Variants in FGGY observed in about 807,000 individuals in gnomAD.
FGGY encodes the protein FGGY carbohydrate kinase domain-containing protein.
FGGY carries 72 observed loss-of-function variants against 71.3 expected under a neutral mutation model. The observed-to-expected ratio is 1.01, with a 90% CI of 0.84 to 1.23. The LOEUF is 1.23. FGGY is among the 50% of genes most tolerant of loss of function. The pLI, the probability that FGGY is intolerant of heterozygous loss-of-function variation, is 0.00. For synonymous variants in FGGY, 251 were observed against 250.3 expected (o/e 1.00, Z -0.02); for missense variants, 668 against 682.3 (o/e 0.98, Z 0.23).
At chr1:59,459,969 A>G (rs2092035487) in intron 6 of FGGY, among the ~76,000 whole-genome samples, 1 of 152,204 alleles carries the variant, frequency 6.6e-6, no homozygotes, top group Non-Finnish European at 1.5e-5. Flanking sequence ...GGGACCAGGG[A>G]AGCCAGGCAA....
intron 8 of FGGY, among the ~76,000 whole-genome samples, chr1:59,570,842 C>A (rs2095973118): frequency 2.0e-5 from 3 of 152,150 alleles, no homozygotes; most frequent in Non-Finnish European, 2.9e-5. Context: ...TAAAAGCATT[C>A]AAAAATGTTT....
At chr1:59,551,683 C>T (rs891951453) in intron 7 of FGGY, among the ~76,000 whole-genome samples, 12 of 152,278 alleles carry the variant, frequency 7.9e-5, no homozygotes, top group African/African-American at 2.9e-4. Flanking sequence ...ATGTGAATCA[C>T]AGCCCAGTTC....
intron 6 of FGGY, among the ~76,000 whole-genome samples, chr1:59,459,833 G>A (rs1005610669): frequency 6.6e-6 from 1 of 152,178 alleles, no homozygotes; most frequent in African/African-American, 2.4e-5. Flanking sequence ...TACTATTGGG[G>A]TAGCCCACTT....
intron 14 of FGGY, among the ~76,000 whole-genome samples, chr1:59,711,510 T>C (rs538631833): frequency 2.9e-4 from 44 of 152,366 alleles, no homozygotes; most frequent in African/African-American, 9.9e-4. Context: ...CTTGGGCTCT[T>C]TCTGGATAGA....
At chr1:59,731,374 C>T (rs2098026477) in intron 14 of FGGY, among the ~76,000 whole-genome samples, 3 of 152,072 alleles carry the variant, frequency 2.0e-5, no homozygotes. Flanking sequence ...TGGAAAGTGT[C>T]CAGATGTGCG....
chr1:59,460,451 G>C (rs1361888027), intron 6 of FGGY, among the ~76,000 whole-genome samples: 1 of 152,212 alleles, frequency 6.6e-6, no homozygotes, highest in African/African-American at 2.4e-5. Context: ...CCCTGCCTCT[G>C]TAGACCCCAC....
chr1:59,564,499 T>C (rs540785766), intron 8 of FGGY, among the ~76,000 whole-genome samples: 3 of 152,338 alleles, frequency 2.0e-5, no homozygotes, highest in Non-Finnish European at 2.9e-5. Flanking sequence ...GGGGGGCCCA[T>C]GTTTCATCCA....
chr1:59,647,364 G>C (rs1284056317), intron 11 of FGGY, among the ~76,000 whole-genome samples: 1 of 152,216 alleles, frequency 6.6e-6, no homozygotes, highest in Admixed American at 6.5e-5. Flanking sequence ...AAACAAAGTA[G>C]TGTTGTGTGG....
At chr1:59,731,960 T>G (rs1406510888) in intron 14 of FGGY, among the ~76,000 whole-genome samples, 1 of 152,110 alleles carries the variant, frequency 6.6e-6, no homozygotes, top group Non-Finnish European at 1.5e-5. Context: ...AATCCTGCTC[T>G]CTCATTAGCT....
intron 1 of FGGY, chr1:59,310,093 G>A (rs910527068): frequency 6.6e-6 from 1 of 152,050 alleles, no homozygotes; most frequent in Non-Finnish European, 1.5e-5. Context: ...TTGCATGATC[G>A]CATGGAGAAT....
chr1:59,563,134 T>C (rs1162552163), intron 8 of FGGY, among the ~76,000 whole-genome samples: 2 of 152,204 alleles, frequency 1.3e-5, no homozygotes, highest in Non-Finnish European at 2.9e-5. Context: ...CAATAGTATG[T>C]TGAATAGGAG....
chr1:59,537,978 A>G (rs2095362272), intron 7 of FGGY, among the ~76,000 whole-genome samples: 1 of 152,186 alleles, frequency 6.6e-6, no homozygotes, highest in Admixed American at 6.5e-5. Context: ...AATGGCAACA[A>G]AAGCCAAAAT....
intron 7 of FGGY, among the ~76,000 whole-genome samples, chr1:59,534,744 G>A (rs1015260993): frequency 7.3e-5 from 11 of 151,014 alleles, no homozygotes; most frequent in Non-Finnish European, 8.9e-5. Flanking sequence ...CTTCATAAGT[G>A]AAGGAGAAAT....
chr1:59,585,929 G>C (rs1420318780), intron 8 of FGGY, among the ~76,000 whole-genome samples: 1 of 152,302 alleles, frequency 6.6e-6, no homozygotes, highest in South Asian at 2.1e-4. Context: ...ATCATCACTG[G>C]CCATCAGAAA....
intron 7 of FGGY, among the ~76,000 whole-genome samples, chr1:59,546,472 C>G (rs1317703462): frequency 6.6e-6 from 1 of 151,470 alleles, no homozygotes; most frequent in African/African-American, 2.4e-5. Context: ...TGTAAAATTT[C>G]TCTGTTGACT....
intron 14 of FGGY, among the ~76,000 whole-genome samples, chr1:59,753,902 A>G (rs1342293085): frequency 6.6e-6 from 1 of 152,208 alleles, no homozygotes; most frequent in Non-Finnish European, 1.5e-5. Context: ...ATATAAAGTC[A>G]CTTAGATAAT....
intron 6 of FGGY, among the ~76,000 whole-genome samples, chr1:59,467,069 C>T (rs1051746684): frequency 6.6e-6 from 1 of 152,118 alleles, no homozygotes; most frequent in Non-Finnish European, 1.5e-5. Flanking sequence ...TATTGGGGCA[C>T]TATTCACAAT....
intron 2 of FGGY, among the ~76,000 whole-genome samples, chr1:59,337,165 T>C (rs1361854477): frequency 1.3e-5 from 2 of 151,708 alleles, no homozygotes. Context: ...GTAGTGTGGC[T>C]CAGTTCAAGT....
chr1:59,526,901 G>C (rs767867695), intron 7 of FGGY, among the ~76,000 whole-genome samples: 1 of 152,202 alleles, frequency 6.6e-6, no homozygotes, highest in African/African-American at 2.4e-5. Context: ...ATGGGGATGG[G>C]AATAGTGCCT....
Sources: gnomAD v4.1 joint callset for allele counts (sites outside exome capture counted in the v4.1 genomes callset) on GRCh38, gnomAD v4.1.1 for gene constraint, MANE v1.5 for transcripts, NCBI Gene and HGNC (gene_info 2026-07-23, HGNC 2026-07-21) for gene names.